MAK: variants seen among roughly 807,000 people sequenced by gnomAD.
MAK encodes the protein male germ cell associated kinase.
Under a neutral mutation model 82.6 loss-of-function variants are expected in MAK, and 65 were observed. The ratio of observed to expected loss-of-function variants is 0.79; its 90% CI spans 0.64 to 0.97. MAK has a LOEUF of 0.97. Among genes scored for constraint, MAK ranks in the 50% least tolerant of loss-of-function variants. MAK has a pLI of 0.00. For synonymous variants in MAK, 250 were observed against 274.2 expected (o/e 0.91, Z 0.87); for missense variants, 703 against 780.2 (o/e 0.90, Z 1.18).
At chr6:10,783,848 A>G (rs144555900) in intron 11 of MAK, among the ~76,000 whole-genome samples, 4,109 of 152,176 alleles carry the variant, frequency 0.027, 90 homozygotes, top group East Asian at 0.099. Context: ...GTGAAACACC[A>G]TCTCTACTAA....
chr6:10,820,433 C>T (rs941558368), intron 2 of MAK, among the ~76,000 whole-genome samples: 12 of 152,150 alleles, frequency 7.9e-5, no homozygotes, highest in African/African-American at 2.9e-4. Context: ...AATCCTTGCC[C>T]AGTCACTCAC....
intron 2 of MAK, among the ~76,000 whole-genome samples, chr6:10,825,238 T>C (rs3857545): frequency 0.16 from 24,161 of 152,256 alleles, 1,974 homozygotes; most frequent in Middle Eastern, 0.26. Flanking sequence ...ATGAAAATCA[T>C]AGAAAACATC....
At chr6:10,792,042 C>G (rs1229479701) in intron 9 of MAK, among the ~76,000 whole-genome samples, 195 bp from the exon 10 acceptor site, 1 of 152,146 alleles carries the variant, frequency 6.6e-6, no homozygotes, top group East Asian at 1.9e-4. Flanking sequence ...GATAGGTGTT[C>G]AGAGGAGAGA....
intron 1 of MAK, among the ~76,000 whole-genome samples, chr6:10,833,017 G>A (rs755063973): frequency 6.6e-6 from 1 of 152,108 alleles, no homozygotes; most frequent in African/African-American, 2.4e-5. Flanking sequence ...TTGTTTTAAA[G>A]TACCTTTTAT....
intron 2 of MAK, among the ~76,000 whole-genome samples, chr6:10,821,214 G>A (rs1777915770): frequency 6.6e-6 from 1 of 152,152 alleles, no homozygotes; most frequent in African/African-American, 2.4e-5. Context: ...CTCTCAAAGT[G>A]CTGGGATTAC....
intron 1 of MAK, among the ~76,000 whole-genome samples, chr6:10,832,472 G>A (rs186035868): frequency 8.5e-5 from 13 of 152,326 alleles, no homozygotes; most frequent in Middle Eastern, 6.8e-3. Context: ...AATGGTTACA[G>A]CCATCTCAAC....
chr6:10,815,340 G>A (rs955692110), intron 4 of MAK, among the ~76,000 whole-genome samples: 3 of 151,456 alleles, frequency 2.0e-5, no homozygotes, highest in East Asian at 1.9e-4. Flanking sequence ...AAAGAGATGC[G>A]GGCTGGGTGC....
rs572139433 is a variant in MAK, at chr6:10,764,075, A to G, written c.*377T>C. 1 of 207,586 alleles carries G rather than the reference A, an allele frequency of 4.8e-6. No homozygotes were observed. The highest frequency in any genetic ancestry group is 1.4e-4 in the East Asian group (1 of 7,164). 12.9% of individuals were successfully genotyped at this position (207,586 alleles called of 1,614,324 possible). Reference sequence around the variant, plus strand: ...GCCAACCACAGCAAAGTGAAGAACTACTAAACCATTTGGGCACATACAACA... The same window carrying G: ...GCCAACCACAGCAAAGTGAAGAACTGCTAAACCATTTGGGCACATACAACA... On this transcript the variant is annotated 3_prime_UTR_variant, in exon 15 of 15. Transcript: ENST00000354489.
rs116114680 is a variant in MAK, at chr6:10,832,052, T to C, written c.-229-1175A>G. Among the ~76,000 whole-genome samples the C allele has an allele frequency of 3.8e-3, 582 of 152,324 alleles. 9 individuals are homozygous for C. The highest frequency in any genetic ancestry group is 0.013 in the African/African-American group (555 of 41,580). ...TCAAGTGATTTTTGTCCCTGAGTCC[T>C]CACCCCTGTCACCATCACTCCCCCA... On this transcript the variant is annotated intron_variant, in intron 1 of 14. Transcript: ENST00000354489.
At position 10,770,171 on chromosome 6, in the gene MAK, T is replaced by G. The variant is rs759417469; in HGVS notation, c.1732A>C (p.Lys578Gln). 8 of 1,614,038 alleles carry G rather than the reference T, an allele frequency of 5.0e-6. No homozygotes were observed. Among genetic ancestry groups the G allele is most frequent in the Non-Finnish European group, 5.9e-6 (7 of 1,180,034 alleles). ...QSGYIPSFLK[K>Q]EVQSAGQRIH... ...CTCTGGCCAGCTGACTGCACTTCTT[T>G]TTTGAGAAAGGAAGGAATATATCCT... Residue 578 changes from lysine to glutamine, a missense_variant, in exon 14 of 15, where the codon AAA (lysine) becomes CAA (glutamine). Physicochemically the swap from Lys to Gln is moderately conservative, Grantham distance 53 (BLOSUM62 1). Transcript: ENST00000354489.
Position 10,769,170 on chromosome 6 carries a change from C to T in MAK, c.1792+941G>A, listed in dbSNP as rs1048433153. 2.0e-5 allele frequency among the ~76,000 whole-genome samples: 3 copies of T among 152,170 alleles called. No homozygotes were observed. In the East Asian group the frequency reaches 5.8e-4, roughly 29 times the overall value. On this transcript the variant is annotated intron_variant, in intron 14 of 14. Coordinates refer to ENST00000354489, the MANE Select transcript of MAK (RefSeq NM_001242957.3). ...TCGAGGCTGCAGTGAACCATGATTG[C>T]ATCCCTGCACTCCAGCCTGGGTGAC...
intron 6 of MAK, among the ~76,000 whole-genome samples, chr6:10,805,688 A>C (rs1776386193): frequency 6.6e-6 from 1 of 152,212 alleles, no homozygotes; most frequent in Admixed American, 6.5e-5. Context: ...TTTCACTTAA[A>C]GTGAAACTTT....
At position 10,796,292 on chromosome 6, in the gene MAK, A is replaced by C; in HGVS notation, c.849T>G (p.Tyr283Ter). The C allele has an allele frequency of 1.2e-6, 2 of 1,613,522 alleles. No homozygotes were observed. The highest frequency in any genetic ancestry group is 1.7e-6 in the Non-Finnish European group (2 of 1,179,898). ...GGCCTAATACCTGACCAACTTGAAA[A>C]TATGGGTGTTTCAATGCCTATAAAA... ...PTASQALKHP[Y>*]FQVGQVLGPS... The change falls in exon 9 of 15, where the codon TAT (tyrosine) becomes TAG (stop). Residue 283 changes from tyrosine (Y) to a stop codon, truncating the protein, a stop_gained. Coordinates refer to ENST00000354489, the MANE Select transcript of MAK (RefSeq NM_001242957.3). LOFTEE classifies it high-confidence loss of function.
chr6:10,808,710 A>G (rs1776689679), intron 6 of MAK, 100 bp downstream of exon 6: 2 of 1,167,396 alleles, frequency 1.7e-6, no homozygotes, highest in Admixed American at 3.4e-5. Flanking sequence ...TCTGTGTTTT[A>G]AATATTCAAT....
At chr6:10,803,506 CTGCACT>C (rs759871676) in intron 7 of MAK, among the ~76,000 whole-genome samples, 17 of 148,488 alleles carry the variant, frequency 1.1e-4, no homozygotes, top group Non-Finnish European at 2.1e-4. Context: ...GATTGAGCCA[CTGCACT>C]CCAACCTGGG....
intron 10 of MAK, among the ~76,000 whole-genome samples, chr6:10,790,532 G>C (rs1384847503): frequency 1.3e-5 from 2 of 152,192 alleles, no homozygotes; most frequent in Non-Finnish European, 2.9e-5. Flanking sequence ...GGAACTGCTA[G>C]AGATATTAAA....
chr6:10,765,593 G>A (rs1013801660), intron 14 of MAK, among the ~76,000 whole-genome samples: 9 of 151,848 alleles, frequency 5.9e-5, no homozygotes, highest in African/African-American at 1.9e-4. Context: ...CTGAGCAGCT[G>A]GGATTACAGG....
chr6:10,772,406 C>G (rs1235518230), intron 13 of MAK, among the ~76,000 whole-genome samples: 2 of 151,358 alleles, frequency 1.3e-5, no homozygotes, highest in Non-Finnish European at 2.9e-5. Flanking sequence ...TGCAGTGGCG[C>G]AATCTTGGTT....
Position 10,775,378 on chromosome 6 carries a change from T to C in MAK, c.1547A>G (p.Lys516Arg). 6.2e-7 allele frequency: 1 copy of C among 1,614,042 alleles called. No homozygotes were observed. Among genetic ancestry groups the C allele is most frequent in the East Asian group, 2.2e-5 (1 of 44,880 alleles). ...TTCTGCCCCAACGGGTCCCAGTGAC[T>C]TGGGGAATAACTGGTTGCTCCAAGT... ...PHTWSNQLFP[K>R]SLGPVGAELA... The change falls in exon 12 of 15, where the codon AAG becomes AGG. Residue 516 changes from lysine (K) to arginine (R), a missense_variant. Transcript: ENST00000354489.
Sources: allele counts gnomAD v4.1 joint callset (sites outside exome capture counted in the v4.1 genomes callset), GRCh38; gene constraint gnomAD v4.1.1; transcripts MANE v1.5; gene names NCBI Gene and HGNC (gene_info 2026-07-23, HGNC 2026-07-21).